The following EFHD1 variants were observed in gnomAD, a reference collection of about 807,000 sequenced individuals.
EFHD1 encodes EF-hand domain family member D1.
A neutral mutation model predicts 17.2 loss-of-function variants in EFHD1; 10 were observed. The observed-to-expected ratio is 0.58, with a 90% CI of 0.36 to 0.99. The LOEUF (loss-of-function observed/expected upper bound fraction) is 0.99, where lower values mean the gene tolerates loss of function less well. Among genes scored for constraint, EFHD1 ranks in the 50% least tolerant of loss-of-function variants. The probability of loss-of-function intolerance (pLI) is 0.01; values close to 1 mark genes in which losing one functional copy is unlikely to be tolerated. For missense variants in EFHD1, 310 were observed against 327.5 expected (o/e 0.95, Z 0.41); for synonymous variants, 153 against 142.0 (o/e 1.08, Z -0.55).
At chr2:232,643,788 A>AC (rs996187148) in intron 1 of EFHD1, among the ~76,000 whole-genome samples, 4 of 151,748 alleles carry the variant, frequency 2.6e-5, no homozygotes, top group Admixed American at 6.6e-5. Context: ...GGTTCAAGTG[A>AC]CCCCCCTGCC....
intron 1 of EFHD1, among the ~76,000 whole-genome samples, chr2:232,651,906 G>T (rs942339311): frequency 1.4e-4 from 21 of 151,480 alleles, no homozygotes; most frequent in Admixed American, 6.6e-5. Context: ...TATGAGGACT[G>T]ACCTGAAAAT....
intron 1 of EFHD1, 101 bp downstream of exon 1, chr2:232,634,107 C>A (rs1004664840): frequency 4.6e-6 from 7 of 1,505,510 alleles, no homozygotes; most frequent in African/African-American, 2.9e-5. Context: ...GGAGGGGTCC[C>A]GGGGTGCAGG....
At chr2:232,675,904 G>A (rs1015852533) in intron 3 of EFHD1, among the ~76,000 whole-genome samples, 3 of 152,082 alleles carry the variant, frequency 2.0e-5, no homozygotes, top group African/African-American at 4.8e-5. Flanking sequence ...GGCCAATTGC[G>A]GTGGCTCACA....
intron 1 of EFHD1, among the ~76,000 whole-genome samples, chr2:232,657,323 C>G (rs1694780467): frequency 6.6e-6 from 1 of 152,156 alleles, no homozygotes; most frequent in Non-Finnish European, 1.5e-5. Flanking sequence ...AATGAGGTGC[C>G]CTTTTTGCGA....
rs182061889 is a variant in EFHD1, at chr2:232,654,638, G to C, written c.303-8164G>C. 2.7e-4 allele frequency among the ~76,000 whole-genome samples: 41 copies of C among 152,102 alleles called. No homozygotes were observed. In the East Asian group the frequency reaches 6.4e-3, roughly 24 times the overall value. On this transcript the variant is annotated intron_variant, in intron 1 of 3. Transcript: ENST00000264059. ...AGACAGGGTTTCGCCATGTTGGCCAGGCTGGTCTTGAGCTCCTGACCTCAG... is the reference window on the plus strand; with the variant it reads ...AGACAGGGTTTCGCCATGTTGGCCACGCTGGTCTTGAGCTCCTGACCTCAG...
chr2:232,643,528 C>G (rs1411904730), intron 1 of EFHD1, among the ~76,000 whole-genome samples: 1 of 151,466 alleles, frequency 6.6e-6, no homozygotes, highest in Non-Finnish European at 1.5e-5. Context: ...CTGCCCGAGT[C>G]CCCGCACCCC....
chr2:232,669,974 T>C (rs575229167), intron 2 of EFHD1, among the ~76,000 whole-genome samples: 1 of 152,194 alleles, frequency 6.6e-6, no homozygotes, highest in African/African-American at 2.4e-5. Flanking sequence ...GTGCATACAT[T>C]TTAGGTAGCA....
At chr2:232,673,756 G>A (rs1173689955) in intron 3 of EFHD1, among the ~76,000 whole-genome samples, 1 of 152,064 alleles carries the variant, frequency 6.6e-6, no homozygotes, top group African/African-American at 2.4e-5. Flanking sequence ...TATTTTTTGA[G>A]ATGGAGTGTC....
intron 2 of EFHD1, among the ~76,000 whole-genome samples, chr2:232,666,890 A>G (rs1694976629): frequency 1.3e-5 from 2 of 152,210 alleles, no homozygotes. Context: ...GACTGAAAAG[A>G]GCATGGGCTC....
chr2:232,609,248 A>T (rs957046271), intron 1 of EFHD1, among the ~76,000 whole-genome samples: 6 of 151,584 alleles, frequency 4.0e-5, no homozygotes, highest in Non-Finnish European at 7.4e-5. Flanking sequence ...TTTAGTAGAG[A>T]CAGGGTTTCG....
chr2:232,606,088 G>A (rs1693705980), exon 1 of EFHD1: 1 of 1,522,196 alleles, frequency 6.6e-7, no homozygotes, highest in Non-Finnish European at 8.9e-7. Context: ...CGGCCTTGGC[G>A]GCTGCTTGCC....
intron 1 of EFHD1, among the ~76,000 whole-genome samples, chr2:232,661,287 T>C (rs1457230472): frequency 6.6e-6 from 1 of 152,106 alleles, no homozygotes; most frequent in African/African-American, 2.4e-5. Flanking sequence ...AAGTTGAATC[T>C]CTATCCATTG....
At chr2:232,645,952 C>T (rs1162126455) in intron 1 of EFHD1, among the ~76,000 whole-genome samples, 1 of 152,194 alleles carries the variant, frequency 6.6e-6, no homozygotes, top group Non-Finnish European at 1.5e-5. Flanking sequence ...CTCCAAATCT[C>T]AGCCATCCTC....
At chr2:232,654,282 C>G (rs1446426518) in intron 1 of EFHD1, among the ~76,000 whole-genome samples, 1 of 151,438 alleles carries the variant, frequency 6.6e-6, no homozygotes, top group Admixed American at 6.6e-5. Context: ...TCTTTTCTGA[C>G]ATATTTGACC....
At chr2:232,666,207 C>T (rs1273914657) in intron 2 of EFHD1, among the ~76,000 whole-genome samples, 1 of 152,220 alleles carries the variant, frequency 6.6e-6, no homozygotes, top group Non-Finnish European at 1.5e-5. Flanking sequence ...TCTGGATGAT[C>T]TCATCCAGCT....
intron 1 of EFHD1, among the ~76,000 whole-genome samples, chr2:232,621,899 C>A (rs1238813832): frequency 6.6e-6 from 1 of 152,188 alleles, no homozygotes; most frequent in Non-Finnish European, 1.5e-5. Context: ...ACAGAGGGCT[C>A]CTGGTTGTGT....
At chr2:232,667,540 A>T (rs11681896) in intron 2 of EFHD1, among the ~76,000 whole-genome samples, 9,910 of 150,260 alleles carry the variant, frequency 0.066, 437 homozygotes, top group Middle Eastern at 0.096. Flanking sequence ...TTAATTAATT[A>T]ATTTATTTAT....
upstream of EFHD1, among the ~76,000 whole-genome samples, chr2:232,632,156 T>C (rs1315104943): frequency 1.3e-5 from 2 of 152,158 alleles, no homozygotes; most frequent in African/African-American, 4.8e-5. Flanking sequence ...GGTCAGGAAG[T>C]GTAGCGCCCC....
At chr2:232,668,877 G>A (rs759117227) in intron 2 of EFHD1, among the ~76,000 whole-genome samples, 7 of 151,976 alleles carry the variant, frequency 4.6e-5, no homozygotes, top group Non-Finnish European at 8.8e-5. Context: ...CAGGTGATCC[G>A]CTCGACTCAG....
Sources: allele counts gnomAD v4.1 joint callset (sites outside exome capture counted in the v4.1 genomes callset), GRCh38; gene constraint gnomAD v4.1.1; transcripts MANE v1.5; gene names NCBI Gene and HGNC (gene_info 2026-07-23, HGNC 2026-07-21).